The following ABCD2 variants were observed in gnomAD, a reference collection of about 807,000 sequenced individuals.
ABCD2 encodes ATP binding cassette subfamily D member 2.
In ABCD2, 36 loss-of-function variants were observed where a neutral mutation model predicts 70.9. The observed-to-expected ratio is 0.51, with a 90% CI of 0.39 to 0.67. The LOEUF (loss-of-function observed/expected upper bound fraction) is 0.67, where lower values mean the gene tolerates loss of function less well. Ranked by LOEUF, ABCD2 falls within the 30% of genes least tolerant of loss-of-function variation. The pLI, the probability that ABCD2 is intolerant of heterozygous loss-of-function variation, is 0.00. For synonymous variants in ABCD2, 304 were observed against 306.9 expected (o/e 0.99, Z 0.10); for missense variants, 729 against 890.2 (o/e 0.82, Z 2.30).
downstream of ABCD2, among the ~76,000 whole-genome samples, chr12:39,546,438 C>A (rs1300245243): frequency 6.6e-6 from 1 of 151,994 alleles, no homozygotes; most frequent in Non-Finnish European, 1.5e-5. Flanking sequence ...AGATTCCTAC[C>A]CCACAGAGCT....
intron 8 of ABCD2, among the ~76,000 whole-genome samples, chr12:39,576,997 AT>A (rs1343373402): frequency 1.3e-5 from 2 of 152,116 alleles, no homozygotes; most frequent in African/African-American, 4.8e-5. Flanking sequence ...ATAAATTATA[AT>A]ATGCTTTATG....
At chr12:39,585,034 G>GT (rs565432049) in intron 7 of ABCD2, among the ~76,000 whole-genome samples, 20 of 152,010 alleles carry the variant, frequency 1.3e-4, no homozygotes, top group Non-Finnish European at 2.8e-4. Flanking sequence ...TTTTAAAATA[G>GT]TTTTTTTCCT....
At chr12:39,616,913 C>T (rs1942122995) in intron 2 of ABCD2, 75 bp downstream of exon 2, 1 of 1,366,018 alleles carries the variant, frequency 7.3e-7, no homozygotes, top group Admixed American at 2.2e-5. Flanking sequence ...GTTTAGCTCA[C>T]ATAAAACTAG....
At chr12:39,577,523 G>A (rs1941535853) in intron 8 of ABCD2, among the ~76,000 whole-genome samples, 1 of 152,158 alleles carries the variant, frequency 6.6e-6, no homozygotes, top group Non-Finnish European at 1.5e-5. Flanking sequence ...CTGGGAGGAG[G>A]AGAGACTCTT....
intron 9 of ABCD2, among the ~76,000 whole-genome samples, chr12:39,564,171 G>T (rs979498026): frequency 2.7e-4 from 41 of 152,212 alleles, no homozygotes; most frequent in African/African-American, 7.7e-4. Context: ...TCAAATGGTA[G>T]TTCTAGTTCT....
intron 9 of ABCD2, among the ~76,000 whole-genome samples, chr12:39,561,126 T>A (rs1345988988): frequency 6.6e-6 from 1 of 152,096 alleles, no homozygotes. Context: ...CCAGGTGCAG[T>A]GGCTCACGTC....
chr12:39,569,641 G>C (rs555459575), intron 9 of ABCD2, among the ~76,000 whole-genome samples: 1 of 152,046 alleles, frequency 6.6e-6, no homozygotes, highest in African/African-American at 2.4e-5. Flanking sequence ...TCCTGCACCC[G>C]CTTTCTGACA....
At chr12:39,589,226 A>G (rs762033581) in intron 6 of ABCD2, among the ~76,000 whole-genome samples, 3 of 152,164 alleles carry the variant, frequency 2.0e-5, no homozygotes, top group Non-Finnish European at 4.4e-5. Context: ...ATGGTACACA[A>G]GCCATTAGGT....
chr12:39,564,789 C>T (rs1301292934), intron 9 of ABCD2, among the ~76,000 whole-genome samples: 2 of 152,122 alleles, frequency 1.3e-5, no homozygotes, highest in Non-Finnish European at 2.9e-5. Flanking sequence ...TTGAATCCAT[C>T]TTGAATTAAT....
At chr12:39,564,912 TC>T (rs1242656319) in intron 9 of ABCD2, among the ~76,000 whole-genome samples, 1 of 152,224 alleles carries the variant, frequency 6.6e-6, no homozygotes, top group African/African-American at 2.4e-5. Context: ...CTTGTTTTTG[TC>T]AGGTTTGTCA....
At chr12:39,590,618 T>C (rs1591986687) in intron 6 of ABCD2, among the ~76,000 whole-genome samples, 1 of 152,048 alleles carries the variant, frequency 6.6e-6, no homozygotes, top group Non-Finnish European at 1.5e-5. Flanking sequence ...TCAATTATAA[T>C]AGTAAAATTA....
intron 9 of ABCD2, among the ~76,000 whole-genome samples, chr12:39,562,533 A>G (rs1347250166): frequency 1.3e-5 from 2 of 152,140 alleles, no homozygotes; most frequent in Non-Finnish European, 2.9e-5. Context: ...AAATACAAAG[A>G]ATGATGAGAC....
intron 9 of ABCD2, among the ~76,000 whole-genome samples, chr12:39,558,263 G>C (rs73096524): frequency 0.011 from 1,655 of 152,288 alleles, 35 homozygotes; most frequent in African/African-American, 0.036. Flanking sequence ...AATTTGGAAT[G>C]GGTGTATTTG....
At chr12:39,593,305 T>C (rs902544806) in intron 6 of ABCD2, among the ~76,000 whole-genome samples, 2 of 152,316 alleles carry the variant, frequency 1.3e-5, no homozygotes, top group South Asian at 4.1e-4. Flanking sequence ...CAGGCCAGAG[T>C]GCAGTGGTGC....
rs1458071471 is a variant in ABCD2, at chr12:39,552,179, T to G, written c.*1733A>C. The G allele has an allele frequency of 1.3e-5, 2 of 152,000 alleles. No homozygotes were observed. Among genetic ancestry groups the G allele is most frequent in the Non-Finnish European group, 2.9e-5 (2 of 67,848 alleles). The allele number at this position is 152,000 out of a possible 1,614,324, so 9.4% of individuals were successfully genotyped here. On this transcript the variant is annotated 3_prime_UTR_variant, in exon 10 of 10. Coordinates refer to ENST00000308666, the MANE Select transcript of ABCD2 (RefSeq NM_005164.4). The stretch of plus-strand genomic sequence containing the variant: ...TGATTATAATTTTATATTGCATTCC[T>G]TCATGTAAGTTGGTTACATTTATTG...
chr12:39,577,219 A>G (rs1941531403), intron 8 of ABCD2, among the ~76,000 whole-genome samples: 1 of 152,106 alleles, frequency 6.6e-6, no homozygotes, highest in Non-Finnish European at 1.5e-5. Context: ...TCTTCTTTTT[A>G]CTTATATACA....
At chr12:39,586,384 T>C in intron 6 of ABCD2, 87 bp from the exon 7 acceptor site, 1 of 1,369,890 alleles carries the variant, frequency 7.3e-7, no homozygotes, top group Non-Finnish European at 1.0e-6. Context: ...AAAACATCAG[T>C]GAAGACTTTA....
intron 9 of ABCD2, among the ~76,000 whole-genome samples, chr12:39,567,952 C>T (rs910600916): frequency 6.6e-6 from 1 of 151,514 alleles, no homozygotes; most frequent in Non-Finnish European, 1.5e-5. Context: ...TGAATATTGG[C>T]CCCCACTCTC....
At chr12:39,587,904 A>G (rs1591984988) in intron 6 of ABCD2, among the ~76,000 whole-genome samples, 2 of 152,322 alleles carry the variant, frequency 1.3e-5, no homozygotes, top group Admixed American at 1.3e-4. Flanking sequence ...GAACTTGGCT[A>G]TATAATTTCA....
Sources: gnomAD v4.1 joint callset for allele counts (sites outside exome capture counted in the v4.1 genomes callset) on GRCh38, gnomAD v4.1.1 for gene constraint, MANE v1.5 for transcripts, NCBI Gene and HGNC (gene_info 2026-07-23, HGNC 2026-07-21) for gene names.